RAPGEF6: variants seen among roughly 807,000 people sequenced by gnomAD.
The protein encoded by RAPGEF6 is PDZ domain containing guanine nucleotide exchange factor (GEF) 2.
RAPGEF6 carries 56 observed loss-of-function variants against 171.4 expected under a neutral mutation model. That is an observed-to-expected ratio of 0.33 (90% CI 0.26 to 0.41). The LOEUF (loss-of-function observed/expected upper bound fraction) is 0.41, where lower values mean the gene tolerates loss of function less well. Among genes scored for constraint, RAPGEF6 ranks in the 10% least tolerant of loss-of-function variants. RAPGEF6 has a pLI of 1.00. For synonymous variants in RAPGEF6, 692 were observed against 650.1 expected (o/e 1.06, Z -0.98); for missense variants, 1,674 against 1,921.4 (o/e 0.87, Z 2.41).
At chr5:131,434,152 A>G (rs6873300) in intron 24 of RAPGEF6, among the ~76,000 whole-genome samples, 15 of 152,216 alleles carry the variant, frequency 9.9e-5, no homozygotes, top group African/African-American at 3.4e-4. Flanking sequence ...AAAGAACTAC[A>G]TTTTTGCTTT....
At chr5:131,539,247 G>A (rs1216644988) in intron 6 of RAPGEF6, among the ~76,000 whole-genome samples, 1 of 152,100 alleles carries the variant, frequency 6.6e-6, no homozygotes, top group Non-Finnish European at 1.5e-5. Context: ...CATTCTGAAA[G>A]TACTTATGAA....
chr5:131,462,187 T>C lies in RAPGEF6; in HGVS notation c.2481-99A>G, dbSNP rs776911650. 8.9e-5 allele frequency: 90 copies of C among 1,016,230 alleles called. 1 individual carries two copies. Among genetic ancestry groups the C allele is most frequent in the Middle Eastern group, 3.4e-4 (1 of 2,900 alleles). The allele number at this position is 1,016,230 out of a possible 1,614,324, so 63.0% of individuals were successfully genotyped here. A position where few individuals can be genotyped will look rare whatever the true frequency, so the allele number is the denominator to read the frequency against. ...TTGTAAAATATCATTTTACTGTTAA[T>C]AACTTTTAGCCAAAAATATTAATTT... On this transcript the variant is annotated intron_variant, in intron 18 of 27. Transcript: ENST00000509018.
intron 1 of RAPGEF6, among the ~76,000 whole-genome samples, chr5:131,613,457 A>G (rs1057053431): frequency 6.6e-6 from 1 of 151,694 alleles, no homozygotes; most frequent in African/African-American, 2.4e-5. Context: ...ATATATATAT[A>G]TATGTATGTA....
intron 1 of RAPGEF6, among the ~76,000 whole-genome samples, chr5:131,625,937 C>A (rs11746364): frequency 0.78 from 118,169 of 152,126 alleles, 46,191 homozygotes; most frequent in Middle Eastern, 0.82. Flanking sequence ...ACCTGTATAC[C>A]TATAAGCCTC....
At chr5:131,449,969 A>C in intron 21 of RAPGEF6, 1 of 1,485,090 alleles carries the variant, frequency 6.7e-7, no homozygotes, top group East Asian at 2.5e-5. Context: ...AGGATGCAAT[A>C]TATGTTAAGA....
chr5:131,533,330 C>T (rs377087771), intron 6 of RAPGEF6, among the ~76,000 whole-genome samples: 1 of 152,000 alleles, frequency 6.6e-6, no homozygotes, highest in Non-Finnish European at 1.5e-5. Flanking sequence ...TAATTCTGTA[C>T]ATTGATACAC....
chr5:131,602,429 C>G lies in RAPGEF6; in HGVS notation c.197+842G>C, dbSNP rs138690448. ...GTAAGCAATAAGGGCACAAAAATAACAGAATGTTAATAGAAACTGTATTAT... is the reference window on the plus strand; with the variant it reads ...GTAAGCAATAAGGGCACAAAAATAAGAGAATGTTAATAGAAACTGTATTAT... On this transcript the variant is annotated intron_variant, in intron 3 of 27. Coordinates refer to ENST00000509018, the MANE Select transcript of RAPGEF6 (RefSeq NM_016340.6). Among the ~76,000 whole-genome samples the G allele has an allele frequency of 2.6e-5, 4 of 152,174 alleles. No individual in the cohort carries two copies. In the East Asian group the frequency reaches 7.7e-4, roughly 29 times the overall value.
intron 3 of RAPGEF6, among the ~76,000 whole-genome samples, chr5:131,599,460 T>C (rs1457745498): frequency 6.6e-6 from 1 of 151,642 alleles, no homozygotes. Flanking sequence ...AATAAACAAA[T>C]GAGCAATAAA....
intron 18 of RAPGEF6, among the ~76,000 whole-genome samples, chr5:131,462,777 G>A (rs1282843324): frequency 6.6e-6 from 1 of 152,184 alleles, no homozygotes; most frequent in African/African-American, 2.4e-5. Context: ...ACGAGGTAAT[G>A]TATCACCTGC....
intron 6 of RAPGEF6, chr5:131,533,049 T>C (rs1376653050): frequency 2.0e-5 from 3 of 151,976 alleles, no homozygotes; most frequent in African/African-American, 7.3e-5. Flanking sequence ...GGAAAGAGAG[T>C]GGGAGGAGAA....
chr5:131,520,992 A>T (rs1229129511), intron 7 of RAPGEF6, among the ~76,000 whole-genome samples: 2 of 152,102 alleles, frequency 1.3e-5, no homozygotes, highest in Admixed American at 6.6e-5. Flanking sequence ...TTTATGGTAG[A>T]AAAGCAGCTC....
At chr5:131,452,137 G>A (rs564347210) in intron 21 of RAPGEF6, among the ~76,000 whole-genome samples, 1 of 151,478 alleles carries the variant, frequency 6.6e-6, no homozygotes, top group Non-Finnish European at 1.5e-5. Flanking sequence ...GGAGAATGGC[G>A]TGAACCCGGG....
intron 19 of RAPGEF6, among the ~76,000 whole-genome samples, chr5:131,457,823 C>T (rs1580853610): frequency 6.6e-6 from 1 of 151,872 alleles, no homozygotes; most frequent in Non-Finnish European, 1.5e-5. Flanking sequence ...TATGAAGCAC[C>T]AGCAGATGAA....
intron 1 of RAPGEF6, among the ~76,000 whole-genome samples, chr5:131,626,040 AC>A (rs1211301700): frequency 1.3e-5 from 2 of 152,114 alleles, no homozygotes; most frequent in Non-Finnish European, 2.9e-5. Flanking sequence ...CAGGCTTTAA[AC>A]CCTGCAACGG....
chr5:131,493,167 C>G (rs976699365), intron 13 of RAPGEF6, among the ~76,000 whole-genome samples: 1 of 152,112 alleles, frequency 6.6e-6, no homozygotes, highest in Non-Finnish European at 1.5e-5. Context: ...CGGGTTCATG[C>G]CATTCTCCTG....
chr5:131,568,727 C>T (rs1327703404), intron 4 of RAPGEF6, among the ~76,000 whole-genome samples: 2 of 152,140 alleles, frequency 1.3e-5, no homozygotes, highest in Admixed American at 1.3e-4. Flanking sequence ...ATACTGGAGA[C>T]TCTCACCAGT....
In RAPGEF6 at chr5:131,479,678, T is replaced by A; in HGVS notation, c.1916A>T (p.Lys639Ile). 1.9e-6 allele frequency: 3 copies of A among 1,614,108 alleles called. No homozygotes were observed. Among genetic ancestry groups the A allele is most frequent in the Non-Finnish European group, 2.5e-6 (3 of 1,179,992 alleles). The change falls in exon 16 of 28, where the codon AAA (lysine) becomes ATA (isoleucine). Residue 639 changes from lysine to isoleucine, a missense_variant. Lys to Ile is a moderately radical substitution (Grantham distance 102). This residue lies in a region of RAPGEF6 where 1,116 missense variants were observed against 1,321.5 expected (regional missense o/e 0.84). Coordinates refer to ENST00000509018, the MANE Select transcript of RAPGEF6 (RefSeq NM_016340.6). ...ATGCTGGATAGAATGGCGATTACTT[T>A]TTTTTTCAGCAATTTTGGGAATATG... ...VPHIPKIAEKKSNRHSIQHVP... is the reference protein window; with the variant it reads ...VPHIPKIAEKISNRHSIQHVP...
chr5:131,487,351 G>A (rs1273502430), intron 15 of RAPGEF6, among the ~76,000 whole-genome samples: 1 of 152,204 alleles, frequency 6.6e-6, no homozygotes, highest in Non-Finnish European at 1.5e-5. Flanking sequence ...GCCCCTGCTG[G>A]CTGGGGTGGC....
At chr5:131,463,723 G>A in intron 18 of RAPGEF6, 3 of 995,270 alleles carry the variant, frequency 3.0e-6, no homozygotes, top group Non-Finnish European at 3.6e-6. Context: ...AAAGAACTGT[G>A]AAAACCATGG....
Sources: gnomAD v4.1 joint callset for allele counts (sites outside exome capture counted in the v4.1 genomes callset) on GRCh38, gnomAD v4.1.1 for gene constraint, gnomAD v4.1.1 regional missense constraint, MANE v1.5 for transcripts, NCBI Gene and HGNC (gene_info 2026-07-23, HGNC 2026-07-21) for gene names.